Variants in TUT4 observed in about 807,000 individuals in gnomAD.
TUT4 encodes terminal uridylyltransferase 4.
In TUT4, 36 loss-of-function variants were observed where a neutral mutation model predicts 192.2. The observed-to-expected ratio is 0.19, with a 90% CI of 0.14 to 0.25. The LOEUF is 0.25. TUT4 is among the 10% of genes least tolerant of loss of function. The pLI is 1.00. For synonymous variants in TUT4, 618 were observed against 666.0 expected (o/e 0.93, Z 1.11); for missense variants, 1,493 against 1,957.2 (o/e 0.76, Z 4.47).
At chr1:52,501,884 G>T (rs1374324739) in intron 4 of TUT4, among the ~76,000 whole-genome samples, 5 of 152,136 alleles carry the variant, frequency 3.3e-5, no homozygotes, top group Non-Finnish European at 7.4e-5. Flanking sequence ...TTTATATGGG[G>T]TACCTACAAT....
At chr1:52,470,811 T>G (rs1360121837) in intron 14 of TUT4, among the ~76,000 whole-genome samples, 3 of 152,070 alleles carry the variant, frequency 2.0e-5, no homozygotes, top group Non-Finnish European at 4.4e-5. Flanking sequence ...AAATTTTATC[T>G]TACCTGGACA....
At chr1:52,522,106 G>A (rs564414856) in intron 2 of TUT4, among the ~76,000 whole-genome samples, 42 of 152,190 alleles carry the variant, frequency 2.8e-4, no homozygotes, top group African/African-American at 8.4e-4. Flanking sequence ...AAACAATTAC[G>A]TATAAACATG....
At chr1:52,460,952 G>A (rs1427127851) in intron 19 of TUT4, 182 bp downstream of exon 19, 3 of 394,792 alleles carry the variant, frequency 7.6e-6, no homozygotes, top group Non-Finnish European at 1.3e-5. Context: ...ATACATACAG[G>A]AAAAAAAGAC....
At chr1:52,475,907 T>C (rs957031502) in intron 12 of TUT4, among the ~76,000 whole-genome samples, 2 of 152,036 alleles carry the variant, frequency 1.3e-5, no homozygotes, top group African/African-American at 4.8e-5. Context: ...TACAGTGCTA[T>C]GATCTCAGCT....
At chr1:52,493,381 C>T (rs1671669229) in intron 7 of TUT4, among the ~76,000 whole-genome samples, 1 of 152,008 alleles carries the variant, frequency 6.6e-6, no homozygotes, top group Admixed American at 6.6e-5. Flanking sequence ...CGGTGCCCAG[C>T]CTACATATCA....
intron 3 of TUT4, among the ~76,000 whole-genome samples, chr1:52,513,026 G>T (rs1197491339): frequency 6.6e-6 from 1 of 151,806 alleles, no homozygotes; most frequent in African/African-American, 2.4e-5. Context: ...GGGAGGCTGA[G>T]GCATGAGAAT....
At chr1:52,431,624 T>G in intron 27 of TUT4, 164 bp from the exon 28 acceptor site, 2 of 510,824 alleles carry the variant, frequency 3.9e-6, no homozygotes, top group Non-Finnish European at 6.2e-6. Flanking sequence ...CCTTTTCAAG[T>G]AGGTATTGCC....
chr1:52,536,736 C>T (rs1685002682), intron 1 of TUT4, among the ~76,000 whole-genome samples: 1 of 152,164 alleles, frequency 6.6e-6, no homozygotes, highest in Non-Finnish European at 1.5e-5. Flanking sequence ...TGCTTGTAAT[C>T]CCAGCTACTT....
chr1:52,427,021 A>C lies in TUT4; in HGVS notation c.4712-1514T>G, dbSNP rs1424623965. ...AGTATCTATACAATGAATAATATTAAGTATAGCTTATTAGATAATAATACT... is the reference window on the plus strand; with the variant it reads ...AGTATCTATACAATGAATAATATTACGTATAGCTTATTAGATAATAATACT... On this transcript the variant is annotated intron_variant, in intron 28 of 29. Coordinates refer to ENST00000257177, the MANE Select transcript of TUT4 (RefSeq NM_001009881.3). Among the ~76,000 whole-genome samples the C allele has an allele frequency of 7.2e-5, 11 of 152,208 alleles. No homozygotes were observed. In the South Asian group the frequency reaches 2.3e-3, roughly 32 times the overall value.
At chr1:52,535,706 G>A (rs1024472822) in intron 1 of TUT4, among the ~76,000 whole-genome samples, 16 of 152,120 alleles carry the variant, frequency 1.1e-4, no homozygotes, top group South Asian at 2.1e-4. Context: ...TTTAAGCAGC[G>A]TAAACTCAAA....
chr1:52,428,262 C>T (rs529914841), intron 28 of TUT4, among the ~76,000 whole-genome samples: 3 of 152,058 alleles, frequency 2.0e-5, no homozygotes, highest in African/African-American at 2.4e-5. Flanking sequence ...CCAAGGCAGG[C>T]GGATCATGAG....
chr1:52,545,772 T>C (rs1454650593), intron 1 of TUT4, among the ~76,000 whole-genome samples: 2 of 151,896 alleles, frequency 1.3e-5, no homozygotes, highest in Non-Finnish European at 2.9e-5. Flanking sequence ...GAAAACAATA[T>C]AGCAGTTCTT....
intron 6 of TUT4, among the ~76,000 whole-genome samples, chr1:52,494,925 T>C (rs923941583): frequency 1.4e-4 from 21 of 152,132 alleles, no homozygotes; most frequent in African/African-American, 4.8e-4. Flanking sequence ...AATATCAATA[T>C]TGTTCTAATG....
chr1:52,471,192 T>A (rs1229224470), intron 14 of TUT4, among the ~76,000 whole-genome samples: 1 of 151,964 alleles, frequency 6.6e-6, no homozygotes, highest in Non-Finnish European at 1.5e-5. Context: ...AATTTCTGTA[T>A]TTTTAGCAGA....
rs752817651 is a variant in TUT4 at position 52,550,496 on chromosome 1, C to CTTTT, written c.-94+2431_-94+2434dup. 1.8e-3 allele frequency among the ~76,000 whole-genome samples: 219 copies of CTTTT among 122,022 alleles called. 6 individuals carry two copies. The highest frequency in any genetic ancestry group is 0.013 in the Admixed American group (154 of 11,818). The allele number at this position is 122,022 out of a possible 152,430, so 80.1% of individuals were successfully genotyped here. A position where few individuals can be genotyped will look rare whatever the true frequency, so the allele number is the denominator to read the frequency against. The stretch of plus-strand genomic sequence containing the variant: ...CATCAACATTAACAGGTAAGTATTG[C>CTTTT]TTTTTTTTTTTTTTTTTTTTGTTTA... On this transcript the variant is annotated intron_variant, in intron 1 of 29. Transcript: ENST00000257177.
chr1:52,428,745 TGTTC>T (rs1650922125), intron 28 of TUT4, among the ~76,000 whole-genome samples: 3 of 151,848 alleles, frequency 2.0e-5, no homozygotes, highest in African/African-American at 7.2e-5. Flanking sequence ...GAGCCGAGAT[TGTTC>T]CACTGCACTC....
intron 1 of TUT4, among the ~76,000 whole-genome samples, chr1:52,547,474 T>A (rs566853717): frequency 1.3e-5 from 2 of 152,080 alleles, no homozygotes; most frequent in South Asian, 4.2e-4. Context: ...TGGCAGTTCC[T>A]CATAAAGTTA....
At chr1:52,527,725 G>A (rs1316500062) in intron 1 of TUT4, among the ~76,000 whole-genome samples, 2 of 152,122 alleles carry the variant, frequency 1.3e-5, no homozygotes, top group African/African-American at 4.8e-5. Flanking sequence ...TGGGTGATAA[G>A]GTATCAATGC....
At chr1:52,493,185 G>A (rs1671615545) in intron 7 of TUT4, among the ~76,000 whole-genome samples, 1 of 152,178 alleles carries the variant, frequency 6.6e-6, no homozygotes, top group South Asian at 2.1e-4. Flanking sequence ...CCGGGTTCAA[G>A]CAATTCTTCT....
Sources: gnomAD v4.1 joint callset for allele counts (sites outside exome capture counted in the v4.1 genomes callset) on GRCh38, gnomAD v4.1.1 for gene constraint, MANE v1.5 for transcripts, NCBI Gene and HGNC (gene_info 2026-07-23, HGNC 2026-07-21) for gene names.